The following CCDC141 variants were observed in gnomAD, a reference collection of about 807,000 sequenced individuals.
The protein encoded by CCDC141 is coiled-coil domain containing 141, also known as coiled-coil domain-containing protein 141.
CCDC141 carries 168 observed loss-of-function variants against 181.0 expected under a neutral mutation model. The ratio of observed to expected loss-of-function variants is 0.93; its 90% CI spans 0.82 to 1.05. The LOEUF (loss-of-function observed/expected upper bound fraction) is 1.05, where lower values mean the gene tolerates loss of function less well. CCDC141 is among the 50% of genes least tolerant of loss of function. The probability of loss-of-function intolerance (pLI) is 0.00; values close to 1 mark genes in which losing one functional copy is unlikely to be tolerated. For missense variants in CCDC141, 1,902 were observed against 1,788.5 expected, an observed-to-expected ratio of 1.06 and a Z score of -1.14; for synonymous variants, 666 against 642.3, an observed-to-expected ratio of 1.04 and a Z score of -0.56.
intron 22 of CCDC141, among the ~76,000 whole-genome samples, chr2:178,840,638 G>A (rs1047523752): frequency 1.3e-4 from 20 of 152,276 alleles, no homozygotes; most frequent in African/African-American, 2.6e-4. Context: ...GTCTGTGGTC[G>A]TCTAGATGGG....
At chr2:179,000,913 C>T (rs967938774) in intron 2 of CCDC141, among the ~76,000 whole-genome samples, 4 of 152,348 alleles carry the variant, frequency 2.6e-5, no homozygotes, top group Admixed American at 1.3e-4. Flanking sequence ...GACTTCCCCA[C>T]TAACCCTTGA....
At chr2:178,824,903 A>G (rs1684096622), downstream of CCDC141, among the ~76,000 whole-genome samples, 1 of 152,166 alleles carries the variant, frequency 6.6e-6, no homozygotes, top group African/African-American at 2.4e-5. Context: ...CTATATTTAC[A>G]AGGCCTTCGA....
At chr2:178,921,287 C>T (rs1688676823) in intron 6 of CCDC141, among the ~76,000 whole-genome samples, 1 of 152,244 alleles carries the variant, frequency 6.6e-6, no homozygotes, top group Admixed American at 6.5e-5. Flanking sequence ...ATTACTTTAA[C>T]CTACTGGGAA....
chr2:178,918,518 A>T (rs1688549710), intron 7 of CCDC141, among the ~76,000 whole-genome samples, 195 bp downstream of exon 7: 1 of 152,238 alleles, frequency 6.6e-6, no homozygotes, highest in Admixed American at 6.5e-5. Flanking sequence ...TTTACATGTG[A>T]AAACAGTCTT....
In CCDC141 at chr2:178,874,195, G is replaced by A. The variant is rs188705006; in HGVS notation, c.1900-1883C>T. On this transcript the variant is annotated intron_variant, in intron 12 of 23. Coordinates refer to ENST00000443758, the MANE Select transcript of CCDC141 (RefSeq NM_173648.4). ...AAAAGATATAAGAATAAAAAAAATC[G>A]TTTTACTTACTTTACCAACAATTTC... 6.6e-5 allele frequency: 10 copies of A among 152,236 alleles called. No homozygotes were observed. The East Asian group carries it at 1.5e-3, about 23-fold the overall frequency. 9.4% of individuals were successfully genotyped at this position (152,236 alleles called of 1,614,324 possible). A position where few individuals can be genotyped will look rare whatever the true frequency, so the allele number is the denominator to read the frequency against.
intron 2 of CCDC141, among the ~76,000 whole-genome samples, chr2:179,015,091 T>TATATATATATA (rs2042407298): frequency 2.4e-5 from 1 of 42,032 alleles, no homozygotes; most frequent in African/African-American, 6.7e-5. Flanking sequence ...TATATATATA[T>TATATATATATA]ATATATATAT....
chr2:178,902,065 T>C (rs1231011718), intron 8 of CCDC141, among the ~76,000 whole-genome samples: 1 of 152,160 alleles, frequency 6.6e-6, no homozygotes, highest in Non-Finnish European at 1.5e-5. Context: ...GAAGGACCTC[T>C]TCAAGGAGAA....
intron 4 of CCDC141, among the ~76,000 whole-genome samples, chr2:178,974,782 C>T (rs1047221566): frequency 1.3e-5 from 2 of 152,102 alleles, no homozygotes; most frequent in Non-Finnish European, 2.9e-5. Flanking sequence ...AAGGGATGAA[C>T]AAGGTAGAAA....
chr2:178,838,899 G>C lies in CCDC141; in HGVS notation c.3475-1155C>G, dbSNP rs78438929. ...ATGTCCCTGTTGCATAGACTCAAAA[G>C]AACATTGAAGCTGAAAAGCGATCTT... is the stretch of plus-strand genomic sequence containing the variant. On this transcript the variant is annotated intron_variant, in intron 22 of 23. Transcript: ENST00000443758. Among the ~76,000 whole-genome samples, 4 of 152,266 alleles carry C rather than the reference G, an allele frequency of 2.6e-5. No individual in the cohort carries two copies. The East Asian group carries it at 7.7e-4, about 29-fold the overall frequency.
chr2:178,945,647 G>A (rs564068040), intron 5 of CCDC141, among the ~76,000 whole-genome samples: 1 of 152,194 alleles, frequency 6.6e-6, no homozygotes, highest in Admixed American at 6.5e-5. Context: ...TCTGAAAAAT[G>A]AACACTAGCA....
chr2:178,881,111 G>A (rs1227947403), intron 11 of CCDC141, among the ~76,000 whole-genome samples: 10 of 152,150 alleles, frequency 6.6e-5, no homozygotes, highest in Admixed American at 1.3e-4. Context: ...GACCCACCAC[G>A]CTTTAAGAAC....
intron 21 of CCDC141, among the ~76,000 whole-genome samples, chr2:178,847,464 G>A (rs1206064873): frequency 6.6e-6 from 1 of 152,146 alleles, no homozygotes; most frequent in Admixed American, 6.5e-5. Flanking sequence ...CTGGGAAGTC[G>A]AGGCTGCCGT....
chr2:178,986,536 T>G (rs1203107834), intron 2 of CCDC141, among the ~76,000 whole-genome samples: 3 of 152,188 alleles, frequency 2.0e-5, no homozygotes, highest in African/African-American at 7.2e-5. Context: ...TGTCCCTGTT[T>G]GCAGATGACA....
At position 178,918,714 on chromosome 2, in the gene CCDC141, T is replaced by G. The variant is rs1389832774; in HGVS notation, c.1091A>C (p.Lys364Thr). Residue 364 changes from lysine (K) to threonine (T), a missense_variant and splice_region_variant, in exon 7 of 24, where the codon AAG becomes ACG. Lys to Thr is a moderately conservative substitution (Grantham distance 78, BLOSUM62 -1). Coordinates refer to ENST00000443758, the MANE Select transcript of CCDC141 (RefSeq NM_173648.4). Reference protein sequence around the residue: ...KANEFFNSANKAFDVLGRVEA... With the variant: ...KANEFFNSANTAFDVLGRVEA... ...TTATCAACTTGACCTCACACTGACC[T>G]TGTTAGCACTGTTAAAAAATTCATT... is the stretch of plus-strand genomic sequence containing the variant. The G allele has an allele frequency of 1.9e-6, 3 of 1,549,860 alleles. No individual in the cohort carries two copies. The East Asian group carries it at 7.3e-5, about 38-fold the overall frequency.
chr2:178,929,313 G>A (rs1689014857), intron 6 of CCDC141, among the ~76,000 whole-genome samples: 1 of 152,140 alleles, frequency 6.6e-6, no homozygotes, highest in South Asian at 2.1e-4. Context: ...GGTAATGAAA[G>A]TTCAAATAGC....
intron 4 of CCDC141, among the ~76,000 whole-genome samples, chr2:178,966,726 G>A (rs1690651342): frequency 1.3e-5 from 2 of 151,996 alleles, no homozygotes; most frequent in South Asian, 4.2e-4. Context: ...CACCAGCAAG[G>A]GAACAAAACT....
At chr2:178,893,049 G>A (rs987534492) in intron 8 of CCDC141, among the ~76,000 whole-genome samples, 2 of 152,150 alleles carry the variant, frequency 1.3e-5, no homozygotes, top group Non-Finnish European at 2.9e-5. Flanking sequence ...ATGCCTGTCT[G>A]TAGTGTGAAC....
At chr2:179,021,093 A>G (rs1366917395) in intron 2 of CCDC141, among the ~76,000 whole-genome samples, 1 of 152,200 alleles carries the variant, frequency 6.6e-6, no homozygotes. Context: ...AATGTAAGAT[A>G]ATTATAAGAT....
chr2:178,868,638 G>A (rs1222445139), intron 15 of CCDC141, among the ~76,000 whole-genome samples: 2 of 116,168 alleles, frequency 1.7e-5, no homozygotes, highest in East Asian at 3.0e-4. Context: ...ATCTAACTTG[G>A]TTTTCGCCCT....
Sources: allele counts gnomAD v4.1 joint callset (sites outside exome capture counted in the v4.1 genomes callset), GRCh38; gene constraint gnomAD v4.1.1; transcripts MANE v1.5; gene names NCBI Gene and HGNC (gene_info 2026-07-23, HGNC 2026-07-21).